Variants in SCHIP1 observed in about 807,000 individuals in gnomAD.
The protein encoded by SCHIP1 is schwannomin-interacting protein 1.
In SCHIP1, 8 loss-of-function variants were observed where a neutral mutation model predicts 29.7. That is an observed-to-expected ratio of 0.27 (90% CI 0.16 to 0.49). The LOEUF (loss-of-function observed/expected upper bound fraction) is 0.49, where lower values mean the gene tolerates loss of function less well. SCHIP1 is among the 20% of genes least tolerant of loss of function. The probability of loss-of-function intolerance (pLI) is 0.99; values close to 1 mark genes in which losing one functional copy is unlikely to be tolerated. For missense variants in SCHIP1, 193 were observed against 294.6 expected, an observed-to-expected ratio of 0.66 and a Z score of 2.52; for synonymous variants, 76 against 94.9, an observed-to-expected ratio of 0.80 and a Z score of 1.16.
At chr3:159,824,586 A>G in the SCHIP1 span, among the ~76,000 whole-genome samples, 1 of 152,210 alleles carries the variant, frequency 6.6e-6, no homozygotes, top group Non-Finnish European at 1.5e-5. Context: ...TACTCTATGT[A>G]CTCTTGACCC....
At chr3:159,362,827 C>T in the SCHIP1 span, among the ~76,000 whole-genome samples, 2 of 152,160 alleles carry the variant, frequency 1.3e-5, no homozygotes, top group Non-Finnish European at 2.9e-5. Context: ...ACAGGTGGCC[C>T]CTGAAGACTG....
At chr3:159,602,585 T>C in the SCHIP1 span, among the ~76,000 whole-genome samples, 5 of 151,928 alleles carry the variant, frequency 3.3e-5, no homozygotes, top group African/African-American at 1.2e-4. Flanking sequence ...GGCAGGCACC[T>C]GTAATCCCAG....
chr3:159,569,620 A>G, the SCHIP1 span, among the ~76,000 whole-genome samples: 1 of 152,226 alleles, frequency 6.6e-6, no homozygotes, highest in Non-Finnish European at 1.5e-5. Context: ...ATAGTACTGC[A>G]ATAAACATAC....
the SCHIP1 span, among the ~76,000 whole-genome samples, chr3:159,489,454 T>G: frequency 2.0e-5 from 3 of 152,214 alleles, no homozygotes; most frequent in Non-Finnish European, 2.9e-5. Flanking sequence ...ATCTTTTAAT[T>G]TACAGTACAA....
chr3:159,601,574 G>T, the SCHIP1 span, among the ~76,000 whole-genome samples: 5 of 152,214 alleles, frequency 3.3e-5, no homozygotes, highest in Non-Finnish European at 7.3e-5. Flanking sequence ...TAAGCACAGA[G>T]GCTGCTCTGC....
At chr3:159,626,180 CTAGA>C in the SCHIP1 span, among the ~76,000 whole-genome samples, 578 of 92,306 alleles carry the variant, frequency 6.3e-3, 3 homozygotes, top group South Asian at 0.034. Context: ...ATCTATCTAT[CTAGA>C]TAGATAGATA....
At chr3:159,441,612 G>A in the SCHIP1 span, among the ~76,000 whole-genome samples, 2 of 152,026 alleles carry the variant, frequency 1.3e-5, no homozygotes, top group African/African-American at 4.8e-5. Context: ...GATTTACATG[G>A]AAAGATGAAG....
At chr3:159,603,201 G>A in the SCHIP1 span, among the ~76,000 whole-genome samples, 16 of 152,194 alleles carry the variant, frequency 1.1e-4, no homozygotes, top group African/African-American at 3.9e-4. Flanking sequence ...AAAATGCATA[G>A]GATGAGTTAC....
intron 2 of SCHIP1, among the ~76,000 whole-genome samples, chr3:159,867,185 C>T (rs1714716713): frequency 1.3e-5 from 2 of 152,178 alleles, no homozygotes; most frequent in South Asian, 2.1e-4. Context: ...ATGGTCTCCC[C>T]TCACTCCCCA....
At chr3:159,434,172 G>C in the SCHIP1 span, among the ~76,000 whole-genome samples, 3 of 152,162 alleles carry the variant, frequency 2.0e-5, no homozygotes, top group African/African-American at 7.2e-5. Context: ...AGGCACCTAC[G>C]ATGTGCCAGG....
intron 1 of SCHIP1, among the ~76,000 whole-genome samples, chr3:159,851,242 A>C (rs1046804547): frequency 6.6e-6 from 1 of 152,122 alleles, no homozygotes; most frequent in Non-Finnish European, 1.5e-5. Context: ...GTGAGCCATG[A>C]TCATGCCATT....
the SCHIP1 span, among the ~76,000 whole-genome samples, chr3:159,793,560 TGGAGGCTCTAGG>T: frequency 6.6e-6 from 1 of 152,194 alleles, no homozygotes; most frequent in Admixed American, 6.5e-5. Flanking sequence ...TGATTCCTTC[TGGAGGCTCTAGG>T]GGAGAGTCTG....
chr3:159,485,948 G>T, the SCHIP1 span, among the ~76,000 whole-genome samples: 4 of 152,052 alleles, frequency 2.6e-5, no homozygotes, highest in Non-Finnish European at 5.9e-5. Context: ...ATCTTTATCA[G>T]TTCCTACCTC....
At chr3:159,884,825 A>C (rs1302984723) in intron 2 of SCHIP1, among the ~76,000 whole-genome samples, 2 of 152,212 alleles carry the variant, frequency 1.3e-5, no homozygotes, top group East Asian at 3.8e-4. Context: ...TCAGATGATC[A>C]GAGTGGGGTG....
At chr3:159,671,397 G>C in the SCHIP1 span, among the ~76,000 whole-genome samples, 516 of 152,158 alleles carry the variant, frequency 3.4e-3, 5 homozygotes, top group African/African-American at 0.012. Context: ...GGTCACCTTT[G>C]TCCTCCTTCT....
the SCHIP1 span, among the ~76,000 whole-genome samples, chr3:159,588,813 C>T: frequency 6.6e-6 from 1 of 152,106 alleles, no homozygotes; most frequent in Non-Finnish European, 1.5e-5. Flanking sequence ...TGTTCTGTTC[C>T]ATTGGTCTAT....
the SCHIP1 span, among the ~76,000 whole-genome samples, chr3:159,340,561 T>C: frequency 1.3e-5 from 2 of 152,158 alleles, no homozygotes; most frequent in Non-Finnish European, 2.9e-5. Context: ...TGCATAAAAA[T>C]TACAATAAAT....
intron 1 of SCHIP1, among the ~76,000 whole-genome samples, chr3:159,855,418 A>T (rs1343025482): frequency 6.6e-6 from 1 of 151,986 alleles, no homozygotes; most frequent in African/African-American, 2.4e-5. Context: ...TTTCGCTAAT[A>T]TTTTTCCTGT....
At chr3:159,694,279 G>A in the SCHIP1 span, among the ~76,000 whole-genome samples, 1 of 151,346 alleles carries the variant, frequency 6.6e-6, no homozygotes, top group African/African-American at 2.5e-5. Context: ...CAGCACTTTG[G>A]GAGGCCAAGG....
Sources: gnomAD v4.1 joint callset for allele counts (sites outside exome capture counted in the v4.1 genomes callset) on GRCh38, gnomAD v4.1.1 for gene constraint, MANE v1.5 for transcripts, NCBI Gene and HGNC (gene_info 2026-07-23, HGNC 2026-07-21) for gene names.